Variants in SCUBE2 observed in about 807,000 individuals in gnomAD.
SCUBE2 encodes the protein signal peptide, CUB and EGF-like domain-containing protein 2.
Under a neutral mutation model 125.9 loss-of-function variants are expected in SCUBE2, and 114 were observed. The ratio of observed to expected loss-of-function variants is 0.91; its 90% CI spans 0.78 to 1.06. SCUBE2 has a LOEUF of 1.06. SCUBE2 is among the 50% of genes least tolerant of loss of function. The pLI is 0.00. For synonymous variants in SCUBE2, 459 were observed against 492.9 expected (o/e 0.93, Z 0.91); for missense variants, 1,255 against 1,301.8 (o/e 0.96, Z 0.55).
intron 16 of SCUBE2, among the ~76,000 whole-genome samples, chr11:9,045,610 GACACACACACACACACACACACACAC>G (rs72142315): frequency 1.0e-5 from 1 of 99,150 alleles, no homozygotes; most frequent in Non-Finnish European, 2.3e-5. Context: ...CAGACAGACA[GACACACACACACACACACACACACAC>G]ACACACACAC....
chr11:9,078,521 T>G (rs1861378453), intron 3 of SCUBE2, among the ~76,000 whole-genome samples: 2 of 152,154 alleles, frequency 1.3e-5, no homozygotes, highest in African/African-American at 4.8e-5. Flanking sequence ...CTCAAAGCAT[T>G]TAATCAAAGG....
At position 9,043,071 on chromosome 11, in the gene SCUBE2, C is replaced by T. The variant is rs369642614; in HGVS notation, c.2002+4285G>A. Among the ~76,000 whole-genome samples, 41 of 152,242 alleles carry T rather than the reference C, an allele frequency of 2.7e-4. No homozygotes were observed. The South Asian group carries it at 8.5e-3, about 32-fold the overall frequency. ...GTCACCTAGAGATAAAGTTGAGGCTCCTTAGCAACATATCCAAGGTTGCTG... is the reference window on the plus strand; with the variant it reads ...GTCACCTAGAGATAAAGTTGAGGCTTCTTAGCAACATATCCAAGGTTGCTG... On this transcript the variant is annotated intron_variant, in intron 16 of 22. Transcript: ENST00000649792.
At chr11:9,028,214 A>T (rs1855964175) in intron 19 of SCUBE2, among the ~76,000 whole-genome samples, 1 of 135,930 alleles carries the variant, frequency 7.4e-6, no homozygotes. Flanking sequence ...TTTTTTCCTC[A>T]TTTTTTTTTG....
intron 7 of SCUBE2, chr11:9,065,213 T>C (rs778030577): frequency 6.6e-6 from 1 of 152,130 alleles, no homozygotes; most frequent in Non-Finnish European, 1.5e-5. Flanking sequence ...ATGTCCCCAC[T>C]CAAATCTCAT....
Position 9,065,946 on chromosome 11 carries a change from G to A in SCUBE2, c.795C>T (p.Ser265=). 1 of 1,614,120 alleles carries A rather than the reference G, an allele frequency of 6.2e-7. No homozygotes were observed. Among genetic ancestry groups the A allele is most frequent in the Non-Finnish European group, 8.5e-7 (1 of 1,179,954 alleles). Residue 265 remains serine (S), a synonymous_variant, in exon 7 of 23, where the codon AGC becomes AGT. Transcript: ENST00000649792. ...CCCCATCCACCACTGATGTGGTGTT[G>A]CTCTCTGTCACCTCCAGGACAGTGT... ...REDTVLEVTE[S]NTTSVVDGDK...
At chr11:9,069,229 G>A (rs1860540334) in intron 5 of SCUBE2, 141 bp downstream of exon 5, 3 of 979,522 alleles carry the variant, frequency 3.1e-6, no homozygotes, top group Non-Finnish European at 4.6e-6. Flanking sequence ...ACAAGTACTT[G>A]GTAGAGGTCG....
intron 21 of SCUBE2, among the ~76,000 whole-genome samples, chr11:9,023,185 A>G (rs1216079915): frequency 6.6e-6 from 1 of 152,226 alleles, no homozygotes; most frequent in East Asian, 1.9e-4. Context: ...GCCTCTTTGT[A>G]TGCATATCAT....
chr11:9,052,494 G>A (rs1250987092), intron 13 of SCUBE2, among the ~76,000 whole-genome samples: 1 of 152,206 alleles, frequency 6.6e-6, no homozygotes, highest in African/African-American at 2.4e-5. Flanking sequence ...GTGGGCCTCT[G>A]CCCAGGGTGA....
At chr11:9,047,856 T>C (rs1590057376) in intron 15 of SCUBE2, 87 bp downstream of exon 15, 1 of 1,445,136 alleles carries the variant, frequency 6.9e-7, no homozygotes, top group Admixed American at 2.2e-5. Context: ...GCATTACTTT[T>C]CCCCCAAGAA....
intron 20 of SCUBE2, 198 bp from the exon 21 acceptor site, chr11:9,026,052 G>T (rs1855725045): frequency 1.8e-6 from 1 of 547,314 alleles, no homozygotes; most frequent in Non-Finnish European, 3.2e-6. Flanking sequence ...CCCAGGGGAG[G>T]CTACACCTGA....
chr11:9,089,791 C>T lies in SCUBE2; in HGVS notation c.172G>A (p.Ala58Thr), dbSNP rs773122605. The change falls in exon 2 of 23, where the codon GCC becomes ACC. Residue 58 changes from alanine (A) to threonine (T), a missense_variant. By Grantham distance (58) the Ala-to-Thr change is moderately conservative. This residue lies in a region of SCUBE2 where 362 missense variants were observed against 323.0 expected (regional missense o/e 1.12). Coordinates refer to ENST00000649792, the MANE Select transcript of SCUBE2 (RefSeq NM_001367977.2). ...ECAQGLDDCH[A>T]DALCQNTPTS... Reference sequence around the variant, plus strand: ...GGTGTGTTCTGACACAGGGCGTCGGCATGGCAGTCATCTAGCCCTTGGGCA... The same window carrying T: ...GGTGTGTTCTGACACAGGGCGTCGGTATGGCAGTCATCTAGCCCTTGGGCA... 7.4e-6 allele frequency: 12 copies of T among 1,613,826 alleles called. No homozygotes were observed. The highest frequency in any genetic ancestry group is 1.0e-5 in the Non-Finnish European group (12 of 1,179,916).
chr11:9,037,971 C>A (rs1446458122), intron 16 of SCUBE2, among the ~76,000 whole-genome samples: 1 of 152,162 alleles, frequency 6.6e-6, no homozygotes, highest in African/African-American at 2.4e-5. Context: ...AAGATTTGCC[C>A]TTTGCCCTCT....
intron 13 of SCUBE2, among the ~76,000 whole-genome samples, chr11:9,051,793 T>C (rs1449268749): frequency 6.6e-6 from 1 of 152,244 alleles, no homozygotes; most frequent in East Asian, 1.9e-4. Context: ...TGGTACGTAG[T>C]AATAACTGCA....
chr11:9,042,511 A>T (rs1299792137), intron 16 of SCUBE2, among the ~76,000 whole-genome samples: 1 of 151,854 alleles, frequency 6.6e-6, no homozygotes, highest in Non-Finnish European at 1.5e-5. Flanking sequence ...CACTCCTCTC[A>T]GTTTCTCTGA....
At chr11:9,061,949 A>G (rs960913217) in intron 7 of SCUBE2, among the ~76,000 whole-genome samples, 6 of 152,200 alleles carry the variant, frequency 3.9e-5, no homozygotes, top group African/African-American at 1.4e-4. Context: ...TAAGAACAGG[A>G]AGATTATGGA....
intron 16 of SCUBE2, among the ~76,000 whole-genome samples, chr11:9,044,929 C>T (rs10743099): frequency 0.73 from 110,916 of 152,096 alleles, 40,727 homozygotes; most frequent in East Asian, 0.89. Context: ...TGGGGGAGTA[C>T]GCTCCTCATC....
At chr11:9,021,304 A>C in intron 22 of SCUBE2, 107 bp from the exon 23 acceptor site, 1 of 891,640 alleles carries the variant, frequency 1.1e-6, no homozygotes, top group Non-Finnish European at 1.5e-6. Context: ...TGCTTAGCTG[A>C]AAAACACTTG....
chr11:9,066,584 G>T (rs377284922), intron 6 of SCUBE2, 113 bp downstream of exon 6: 6 of 854,968 alleles, frequency 7.0e-6, no homozygotes, highest in South Asian at 3.0e-5. Flanking sequence ...GGCCTGCTGG[G>T]GGGGCAAATG....
intron 20 of SCUBE2, chr11:9,026,988 G>A: frequency 4.0e-6 from 1 of 248,834 alleles, no homozygotes; most frequent in Non-Finnish European, 7.9e-6. Context: ...AGGATAGGAG[G>A]ACAGGTCCCC....
Sources: allele counts gnomAD v4.1 joint callset (sites outside exome capture counted in the v4.1 genomes callset), GRCh38; gene constraint gnomAD v4.1.1; regional missense constraint gnomAD v4.1.1; transcripts MANE v1.5; gene names NCBI Gene and HGNC (gene_info 2026-07-23, HGNC 2026-07-21).